The following RIF1 variants were observed in gnomAD, a reference collection of about 807,000 sequenced individuals.
RIF1 encodes the protein telomere-associated protein RIF1.
In RIF1, 45 loss-of-function variants were observed where a neutral mutation model predicts 247.1. That is an observed-to-expected ratio of 0.18 (90% CI 0.14 to 0.23). The LOEUF (loss-of-function observed/expected upper bound fraction) is 0.23, where lower values mean the gene tolerates loss of function less well. Ranked by LOEUF, RIF1 falls within the 10% of genes least tolerant of loss-of-function variation. The probability of loss-of-function intolerance (pLI) is 1.00; values close to 1 mark genes in which losing one functional copy is unlikely to be tolerated. For synonymous variants in RIF1, 1,087 were observed against 978.8 expected (o/e 1.11, Z -2.06); for missense variants, 2,967 against 2,862.5 (o/e 1.04, Z -0.83).
At chr2:151,443,748 C>CTT in intron 18 of RIF1, 39 bp downstream of exon 18, 14 of 1,154,162 alleles carry the variant, frequency 1.2e-5, no homozygotes, top group East Asian at 3.2e-5. Context: ...GATAATAGAC[C>CTT]TTTTTTTTTT....
intron 8 of RIF1, among the ~76,000 whole-genome samples, chr2:151,425,329 G>A (rs955461988): frequency 7.2e-5 from 11 of 152,046 alleles, no homozygotes; most frequent in Admixed American, 2.0e-4. Flanking sequence ...ATTTAATTCC[G>A]TTCTGTAGGT....
Position 151,451,586 on chromosome 2 carries a change from A to G in RIF1, c.2245-20A>G. 1 of 1,121,402 alleles carries G rather than the reference A, an allele frequency of 8.9e-7. No individual in the cohort carries two copies. Among genetic ancestry groups the G allele is most frequent in the Non-Finnish European group, 1.4e-6 (1 of 732,458 alleles). The allele number at this position is 1,121,402 out of a possible 1,614,324, so 69.5% of individuals were successfully genotyped here. The stretch of plus-strand genomic sequence containing the variant: ...GTCCCAGTACTTGAATGTTTCTAAC[A>G]GTGGTACTTTCTTCCCTAGAATTTG... On this transcript the variant is annotated intron_variant, in intron 20 of 35. Transcript: ENST00000444746.
the RIF1 span, chr2:151,530,947 G>GA: frequency 7.8e-7 from 1 of 1,279,684 alleles, no homozygotes; most frequent in Non-Finnish European, 1.1e-6. Context: ...CATCTCATTA[G>GA]AAGGAGGCCA....
rs201293220 is a variant in RIF1 at position 151,498,951 on chromosome 2, T to TAA, written c.*514-393_*514-392dup. On this transcript the variant is annotated intron_variant and NMD_transcript_variant, in intron 10 of 13. Transcript: ENST00000454583. ...ACAGTAGAGATAGAAAAGGTTAGAA[T>TAA]AAGAAACGAGGATAATAGTCGGATC... Among the ~76,000 whole-genome samples, 347 of 152,094 alleles carry TAA rather than the reference T, an allele frequency of 2.3e-3. 6 individuals carry two copies. In the East Asian group the frequency reaches 0.045, roughly 20 times the overall value.
chr2:151,445,804 G>C (rs1479904019), intron 19 of RIF1, among the ~76,000 whole-genome samples: 1 of 152,190 alleles, frequency 6.6e-6, no homozygotes, highest in Non-Finnish European at 1.5e-5. Flanking sequence ...CTCCCAAAGT[G>C]CTGGGATTAC....
intron 9 of RIF1, among the ~76,000 whole-genome samples, chr2:151,494,554 A>G (rs1326019780): frequency 6.6e-6 from 1 of 152,152 alleles, no homozygotes; most frequent in Non-Finnish European, 1.5e-5. Context: ...CCCCTGAGAG[A>G]TGATCCAAAC....
rs1696303725 is a variant in RIF1 at position 151,462,249 on chromosome 2, A to T, written c.3235A>T (p.Ile1079Phe). 6.4e-7 allele frequency: 1 copy of T among 1,573,108 alleles called. No homozygotes were observed. The highest frequency in any genetic ancestry group is 1.2e-5 in the South Asian group (1 of 84,036). ...KEVLKTKRCDIPAMYNNLDVS... is the reference protein window; with the variant it reads ...KEVLKTKRCDFPAMYNNLDVS... ...ATATATAGTTTTTTTCAGGTGTGAT[A>T]TTCCTGCCATGTATAATAATCTGGA... The change falls in exon 28 of 36, where the codon ATT becomes TTT. Residue 1079 changes from isoleucine to phenylalanine, a missense_variant. By Grantham distance (21) the Ile-to-Phe change is conservative. Around this residue, in one of 7 missense-constraint regions of RIF1, gnomAD observed 2,028 missense variants for 1,825.6 expected, o/e 1.11. Coordinates refer to ENST00000444746, the MANE Select transcript of RIF1 (RefSeq NM_018151.5).
chr2:151,447,034 C>T lies in RIF1; in HGVS notation c.2244+459C>T, dbSNP rs571947291. ...TCTCGGCTCACTGCAAGCTCCGCCT[C>T]CCGGGTTCACGCCATTCTCCTGCCT... is the stretch of plus-strand genomic sequence containing the variant. On this transcript the variant is annotated intron_variant, in intron 20 of 35. Transcript: ENST00000444746. Among the ~76,000 whole-genome samples, 4 of 150,798 alleles carry T rather than the reference C, an allele frequency of 2.7e-5. No homozygotes were observed. The East Asian group carries it at 7.8e-4, about 30-fold the overall frequency.
At chr2:151,494,162 G>A (rs536684179) in intron 9 of RIF1, 8 of 1,602,736 alleles carry the variant, frequency 5.0e-6, no homozygotes, top group Middle Eastern at 1.7e-4. Flanking sequence ...AGACAATACC[G>A]AGCTAATGTT....
chr2:151,496,176 T>G, intron 10 of RIF1: 1 of 1,310,578 alleles, frequency 7.6e-7, no homozygotes, highest in Non-Finnish European at 1.1e-6. Flanking sequence ...TTCACAAAAT[T>G]TAAGTTGTCT....
At chr2:151,500,593 CTTTTTTTTTTT>C (rs11428843) in intron 11 of RIF1, among the ~76,000 whole-genome samples, 2 of 118,458 alleles carry the variant, frequency 1.7e-5, no homozygotes, top group African/African-American at 6.1e-5. Context: ...TTCTTTCTTC[CTTTTTTTTTTT>C]TTTTTTTTTG....
At chr2:151,470,323 A>G (rs1697601271) in intron 34 of RIF1, among the ~76,000 whole-genome samples, 2 of 152,176 alleles carry the variant, frequency 1.3e-5, no homozygotes. Context: ...AATTTTGTAT[A>G]TAATTTCAGA....
Position 151,464,250 on chromosome 2 carries a change from A to T in RIF1, c.4730A>T (p.Asn1577Ile), listed in dbSNP as rs147553277. The change falls in exon 30 of 36, where the codon AAT (asparagine) becomes ATT (isoleucine). Residue 1577 changes from asparagine (N) to isoleucine (I), a missense_variant. Transcript: ENST00000444746. ...TCTGGAAAATGGAAAAACAAAAGCA[A>T]TGAAAGTGTTGACATTCAAGATCAA... ...KRSGKWKNKS[N>I]ESVDIQDQEE... 6.2e-7 allele frequency: 1 copy of T among 1,613,856 alleles called. No individual in the cohort carries two copies. The highest frequency in any genetic ancestry group is 8.5e-7 in the Non-Finnish European group (1 of 1,179,992).
In RIF1 at chr2:151,424,162, G is replaced by A. The variant is rs191702139; in HGVS notation, c.786+1120G>A. Among the ~76,000 whole-genome samples the A allele has an allele frequency of 2.0e-3, 310 of 152,276 alleles. 2 individuals are homozygous for A. The highest frequency in any genetic ancestry group is 2.3e-3 in the Non-Finnish European group (156 of 68,032). On this transcript the variant is annotated intron_variant, in intron 8 of 35. Coordinates refer to ENST00000444746, the MANE Select transcript of RIF1 (RefSeq NM_018151.5). The stretch of plus-strand genomic sequence containing the variant: ...CTTGTCACCCAGGCTGGAGTACAAT[G>A]GCGTGATCTTGGTTCACTGCAACCT...
chr2:151,457,584 T>A (rs535569957), intron 23 of RIF1, among the ~76,000 whole-genome samples, 177 bp from the exon 24 acceptor site: 8 of 134,594 alleles, frequency 5.9e-5, no homozygotes, highest in Non-Finnish European at 1.2e-4. Context: ...ACTGTAATAT[T>A]AATAACCAAA....
chr2:151,466,040 T>G lies in RIF1; in HGVS notation c.6520T>G (p.Leu2174Val), dbSNP rs1400753420. ...GMQTRCVWSP[L>V]ASPSTSILKR... Reference sequence around the variant, plus strand: ...GCAGACACGCTGTGTCTGGTCTCCTTTGGCTTCTCCGTCTACGAGCATTTT... The same window carrying G: ...GCAGACACGCTGTGTCTGGTCTCCTGTGGCTTCTCCGTCTACGAGCATTTT... The change falls in exon 30 of 36, where the codon TTG (leucine) becomes GTG (valine). Residue 2174 changes from leucine to valine, a missense_variant. Around this residue, in one of 7 missense-constraint regions of RIF1, gnomAD observed 2,028 missense variants for 1,825.6 expected, o/e 1.11. Coordinates refer to ENST00000444746, the MANE Select transcript of RIF1 (RefSeq NM_018151.5). 4 of 1,613,550 alleles carry G rather than the reference T, an allele frequency of 2.5e-6. No individual in the cohort carries two copies. The highest frequency in any genetic ancestry group is 3.4e-6 in the Non-Finnish European group (4 of 1,179,740).
chr2:151,462,768 T>C (rs1047848927), intron 29 of RIF1, 116 bp from the exon 30 acceptor site: 5 of 701,860 alleles, frequency 7.1e-6, no homozygotes, highest in African/African-American at 1.8e-5. Context: ...ATATATTGAA[T>C]GTCAGTGATT....
chr2:151,507,451 C>A (rs2070122560), intron 13 of RIF1, among the ~76,000 whole-genome samples: 1 of 152,168 alleles, frequency 6.6e-6, no homozygotes, highest in Non-Finnish European at 1.5e-5. Flanking sequence ...ATCTGACCTT[C>A]ATTTAAAGCA....
downstream of RIF1, chr2:151,485,437 G>C: frequency 4.9e-6 from 1 of 205,800 alleles, no homozygotes. Context: ...CAATCAGCAA[G>C]GAAAAGGTGA....
Sources: allele counts gnomAD v4.1 joint callset (sites outside exome capture counted in the v4.1 genomes callset), GRCh38; gene constraint gnomAD v4.1.1; regional missense constraint gnomAD v4.1.1; transcripts MANE v1.5; gene names NCBI Gene and HGNC (gene_info 2026-07-23, HGNC 2026-07-21).